The following GLRA3 variants were observed in gnomAD, a reference collection of about 807,000 sequenced individuals.
GLRA3 encodes the protein glycine receptor alpha 3.
Under a neutral mutation model 60.4 loss-of-function variants are expected in GLRA3, and 44 were observed. That is an observed-to-expected ratio of 0.73 (90% CI 0.57 to 0.94). GLRA3 has a LOEUF of 0.94. GLRA3 is among the 40% of genes least tolerant of loss of function. GLRA3 has a pLI of 0.00. For synonymous variants in GLRA3, 223 were observed against 192.9 expected, an observed-to-expected ratio of 1.16 and a Z score of -1.29; for missense variants, 508 against 564.6, an observed-to-expected ratio of 0.90 and a Z score of 1.02.
chr4:174,711,795 A>G (rs1352923182), intron 5 of GLRA3, among the ~76,000 whole-genome samples: 2 of 151,762 alleles, frequency 1.3e-5, no homozygotes, highest in African/African-American at 4.8e-5. Context: ...TCTGCCATTA[A>G]TTTTTTTCTG....
intron 9 of GLRA3, among the ~76,000 whole-genome samples, chr4:174,647,510 G>A (rs768527860): frequency 5.3e-4 from 81 of 151,648 alleles, no homozygotes; most frequent in Non-Finnish European, 4.9e-4. Context: ...GAAAACAAAA[G>A]CCCAGTTGGT....
At chr4:174,818,348 G>A (rs111389720) in intron 1 of GLRA3, among the ~76,000 whole-genome samples, 1 of 152,020 alleles carries the variant, frequency 6.6e-6, no homozygotes, top group African/African-American at 2.4e-5. Context: ...AGCTTTTCCA[G>A]TGTAATATTT....
At chr4:174,706,567 C>T (rs907652176) in intron 5 of GLRA3, among the ~76,000 whole-genome samples, 5 of 152,156 alleles carry the variant, frequency 3.3e-5, no homozygotes, top group Non-Finnish European at 5.9e-5. Flanking sequence ...CATTTAATTT[C>T]ATCCATATTG....
At chr4:174,805,256 A>AT (rs999504976) in intron 1 of GLRA3, among the ~76,000 whole-genome samples, 9 of 151,652 alleles carry the variant, frequency 5.9e-5, no homozygotes, top group Non-Finnish European at 1.2e-4. Flanking sequence ...TTTTTCTCAA[A>AT]TTTTTTTGCA....
chr4:174,687,611 T>C (rs1427695114), intron 5 of GLRA3, among the ~76,000 whole-genome samples: 1 of 152,216 alleles, frequency 6.6e-6, no homozygotes, highest in Non-Finnish European at 1.5e-5. Flanking sequence ...CAACAGACAG[T>C]ATTTGCTGTC....
intron 1 of GLRA3, among the ~76,000 whole-genome samples, chr4:174,816,797 T>A (rs1740520588): frequency 6.6e-6 from 1 of 152,182 alleles, no homozygotes; most frequent in Admixed American, 6.5e-5. Context: ...TTTTAATTTG[T>A]GTTCCCAAAT....
intron 3 of GLRA3, among the ~76,000 whole-genome samples, chr4:174,747,499 G>C (rs1737301136): frequency 6.6e-6 from 1 of 152,138 alleles, no homozygotes; most frequent in Non-Finnish European, 1.5e-5. Context: ...GATCTTATTT[G>C]AGTTTTAGAA....
At chr4:174,717,099 C>G (rs1469453913) in intron 4 of GLRA3, among the ~76,000 whole-genome samples, 3 of 150,264 alleles carry the variant, frequency 2.0e-5, no homozygotes, top group African/African-American at 4.9e-5. Context: ...GTAATCCTGG[C>G]TACTCAGGAA....
At chr4:174,796,122 C>A (rs369269857) in intron 1 of GLRA3, among the ~76,000 whole-genome samples, 5 of 152,036 alleles carry the variant, frequency 3.3e-5, no homozygotes, top group Non-Finnish European at 7.4e-5. Context: ...GGAGGAGATT[C>A]GGTCATAAGG....
chr4:174,710,045 G>T (rs1735657856), intron 5 of GLRA3, among the ~76,000 whole-genome samples: 1 of 150,908 alleles, frequency 6.6e-6, no homozygotes, highest in Non-Finnish European at 1.5e-5. Context: ...ATAGCCTCTA[G>T]GAAACATATT....
chr4:174,756,156 G>A (rs1182253128), intron 3 of GLRA3, among the ~76,000 whole-genome samples: 1 of 152,062 alleles, frequency 6.6e-6, no homozygotes, highest in Non-Finnish European at 1.5e-5. Context: ...CATTACTGGT[G>A]AATTTTAATA....
At chr4:174,672,354 G>A (rs10020688) in intron 7 of GLRA3, among the ~76,000 whole-genome samples, 28,235 of 152,004 alleles carry the variant, frequency 0.19, 2,774 homozygotes, top group East Asian at 0.34. Flanking sequence ...TTTTCCCAAG[G>A]TAGATAAGAT....
rs541409336 is a variant in GLRA3, at chr4:174,806,912, A to T, written c.72-17969T>A. ...TTATGGAAGACTGTATATGCAATAGATGAAATACCAATAAAGTCTCTGTAA... is the reference window on the plus strand; with the variant it reads ...TTATGGAAGACTGTATATGCAATAGTTGAAATACCAATAAAGTCTCTGTAA... On this transcript the variant is annotated intron_variant, in intron 1 of 9. Transcript: ENST00000274093. 3.9e-5 allele frequency among the ~76,000 whole-genome samples: 6 copies of T among 152,202 alleles called. No individual in the cohort carries two copies. The South Asian group carries it at 8.3e-4, about 21-fold the overall frequency.
chr4:174,753,358 C>T (rs1561096587), intron 3 of GLRA3, among the ~76,000 whole-genome samples: 1 of 152,250 alleles, frequency 6.6e-6, no homozygotes, highest in East Asian at 1.9e-4. Context: ...GAGATTCAGC[C>T]TAAGAGCTGA....
intron 2 of GLRA3, among the ~76,000 whole-genome samples, chr4:174,779,910 C>G (rs1380858919): frequency 6.6e-6 from 1 of 151,962 alleles, no homozygotes; most frequent in East Asian, 1.9e-4. Flanking sequence ...TCCAGGAGAA[C>G]TTCCCCAATC....
At chr4:174,816,536 T>C (rs1046552185) in intron 1 of GLRA3, among the ~76,000 whole-genome samples, 1 of 152,208 alleles carries the variant, frequency 6.6e-6, no homozygotes, top group Admixed American at 6.5e-5. Context: ...ATTTTTGTCC[T>C]GGCACTATAA....
Position 174,788,937 on chromosome 4 carries a change from A to T in GLRA3, c.78T>A (p.Val26=). 6.3e-7 allele frequency: 1 copy of T among 1,581,376 alleles called. No individual in the cohort carries two copies. The highest frequency in any genetic ancestry group is 8.6e-7 in the Non-Finnish European group (1 of 1,164,420). ...TTGCACTGTCTGTTTCCTTTGTGGCAACCAAACTACAAATAAGAACAAAAA... is the reference window on the plus strand; with the variant it reads ...TTGCACTGTCTGTTTCCTTTGTGGCTACCAAACTACAAATAAGAACAAAAA... The part of the protein sequence containing the change: ...FWEAALLLSL[V]ATKETDSARS... The change falls in exon 2 of 10, where the codon GTT becomes GTA. Residue 26 remains valine (V), a synonymous_variant. Transcript: ENST00000274093.
intron 1 of GLRA3, among the ~76,000 whole-genome samples, chr4:174,795,590 T>C (rs1226232982): frequency 1.3e-5 from 2 of 152,176 alleles, no homozygotes; most frequent in Non-Finnish European, 2.9e-5. Flanking sequence ...TGGAGAAAAG[T>C]TTACTACTAA....
chr4:174,718,870 T>A (rs2111104787), intron 4 of GLRA3, among the ~76,000 whole-genome samples: 1 of 152,136 alleles, frequency 6.6e-6, no homozygotes, highest in African/African-American at 2.4e-5. Flanking sequence ...ATGAGGAAAC[T>A]TAGAGGTTAA....
Sources: gnomAD v4.1 joint callset for allele counts (sites outside exome capture counted in the v4.1 genomes callset) on GRCh38, gnomAD v4.1.1 for gene constraint, MANE v1.5 for transcripts, NCBI Gene and HGNC (gene_info 2026-07-23, HGNC 2026-07-21) for gene names.